Variants in HACD2 observed in about 807,000 individuals in gnomAD.
The protein encoded by HACD2 is 3-hydroxyacyl-CoA dehydratase 2, also known as very-long-chain (3R)-3-hydroxyacyl-CoA dehydratase 2.
Under a neutral mutation model 31.0 loss-of-function variants are expected in HACD2, and 15 were observed. The observed-to-expected ratio is 0.48, with a 90% CI of 0.32 to 0.75. HACD2 has a LOEUF of 0.75. Ranked by LOEUF, HACD2 falls within the 30% of genes least tolerant of loss-of-function variation. HACD2 has a pLI of 0.03. For missense variants in HACD2, 283 were observed against 313.0 expected (o/e 0.90, Z 0.72); for synonymous variants, 115 against 122.2 (o/e 0.94, Z 0.39).
At chr3:123,496,269 C>T (rs1323887288) in intron 6 of HACD2, among the ~76,000 whole-genome samples, 2 of 152,150 alleles carry the variant, frequency 1.3e-5, no homozygotes, top group Non-Finnish European at 1.5e-5. Context: ...GGGGTGTGCC[C>T]GCCTCAGCCT....
intron 3 of HACD2, among the ~76,000 whole-genome samples, chr3:123,566,932 C>T (rs549539766): frequency 2.6e-5 from 4 of 152,264 alleles, no homozygotes; most frequent in South Asian, 2.1e-4. Context: ...TCTACCTGTG[C>T]GCCCATCTGA....
intron 4 of HACD2, among the ~76,000 whole-genome samples, chr3:123,518,428 T>A (rs1024605056): frequency 6.6e-6 from 1 of 152,224 alleles, no homozygotes. Context: ...GGGACAGACC[T>A]CTGCCGCCAG....
At chr3:123,511,263 T>C (rs2056059821) in intron 4 of HACD2, among the ~76,000 whole-genome samples, 1 of 152,182 alleles carries the variant, frequency 6.6e-6, no homozygotes, top group South Asian at 2.1e-4. Context: ...ACAAGTAAAG[T>C]GAGGTTTACA....
At chr3:123,552,867 G>C (rs921537324) in intron 3 of HACD2, among the ~76,000 whole-genome samples, 1 of 152,012 alleles carries the variant, frequency 6.6e-6, no homozygotes, top group African/African-American at 2.4e-5. Context: ...AAATAAAAAT[G>C]TAATAAAGAA....
intron 3 of HACD2, among the ~76,000 whole-genome samples, chr3:123,533,370 A>T (rs2056388658): frequency 6.6e-6 from 1 of 152,230 alleles, no homozygotes; most frequent in Non-Finnish European, 1.5e-5. Context: ...GCTGGTCTCG[A>T]ACTCCTAAGC....
intron 5 of HACD2, among the ~76,000 whole-genome samples, chr3:123,500,937 T>G (rs2055894944): frequency 6.6e-6 from 1 of 152,222 alleles, no homozygotes; most frequent in South Asian, 2.1e-4. Flanking sequence ...AAATTTGGTC[T>G]GACAAAATAA....
At chr3:123,547,580 C>T (rs1037745857) in intron 3 of HACD2, among the ~76,000 whole-genome samples, 1 of 152,114 alleles carries the variant, frequency 6.6e-6, no homozygotes, top group African/African-American at 2.4e-5. Context: ...CAACAAGAAG[C>T]TAAGAGCCCT....
intron 6 of HACD2, among the ~76,000 whole-genome samples, chr3:123,496,607 A>G (rs2055836106): frequency 6.6e-6 from 1 of 152,246 alleles, no homozygotes; most frequent in Admixed American, 6.5e-5. Flanking sequence ...TTCGACAGGC[A>G]GAGAACTATT....
intron 3 of HACD2, among the ~76,000 whole-genome samples, chr3:123,530,691 G>A (rs2056349007): frequency 6.7e-6 from 1 of 150,272 alleles, no homozygotes; most frequent in South Asian, 2.1e-4. Flanking sequence ...ACAGGCGTGA[G>A]CCACTGCGCC....
intron 2 of HACD2, among the ~76,000 whole-genome samples, chr3:123,570,282 ATAAAG>A (rs2056840007): frequency 6.6e-6 from 1 of 152,208 alleles, no homozygotes; most frequent in Non-Finnish European, 1.5e-5. Flanking sequence ...CAAAGAAGAA[ATAAAG>A]TAATTTATTT....
intron 2 of HACD2, among the ~76,000 whole-genome samples, chr3:123,573,692 C>T (rs551711970): frequency 6.6e-6 from 1 of 152,204 alleles, no homozygotes; most frequent in East Asian, 1.9e-4. Flanking sequence ...AGTTACTGCT[C>T]AATGTTCAGA....
intron 3 of HACD2, among the ~76,000 whole-genome samples, chr3:123,535,636 A>G (rs1028686765): frequency 1.1e-4 from 16 of 152,242 alleles, no homozygotes; most frequent in African/African-American, 3.6e-4. Flanking sequence ...ATTTCTGGAT[A>G]GAGTGTGACA....
intron 4 of HACD2, among the ~76,000 whole-genome samples, chr3:123,510,612 T>A (rs1472038085): frequency 6.6e-6 from 1 of 152,224 alleles, no homozygotes; most frequent in East Asian, 1.9e-4. Context: ...ATTTCCTTCC[T>A]TTTTGTGTCT....
At chr3:123,566,765 C>T (rs927312036) in intron 3 of HACD2, among the ~76,000 whole-genome samples, 98 of 152,002 alleles carry the variant, frequency 6.4e-4, no homozygotes, top group African/African-American at 1.7e-3. Flanking sequence ...GGCATGGTGG[C>T]GCACGCCTGT....
chr3:123,561,625 T>C (rs567477275), intron 3 of HACD2, among the ~76,000 whole-genome samples: 1 of 151,896 alleles, frequency 6.6e-6, no homozygotes, highest in Non-Finnish European at 1.5e-5. Flanking sequence ...GGGAACCATA[T>C]TGCAGAGTCA....
chr3:123,577,438 G>A lies in HACD2; in HGVS notation c.273+4774C>T, dbSNP rs561602134. On this transcript the variant is annotated intron_variant, in intron 2 of 6. Transcript: ENST00000383657. ...AGATCGAGACCATCCTGGCTAACAT[G>A]GTGAAACCCCGTCTCTACTAAAAAT... Among the ~76,000 whole-genome samples, 242 of 152,026 alleles carry A rather than the reference G, an allele frequency of 1.6e-3. 2 individuals are homozygous for A. The highest frequency in any genetic ancestry group is 5.7e-3 in the African/African-American group (236 of 41,462).
chr3:123,553,338 G>T (rs1310810776), intron 3 of HACD2, among the ~76,000 whole-genome samples: 1 of 152,238 alleles, frequency 6.6e-6, no homozygotes, highest in Non-Finnish European at 1.5e-5. Context: ...GCATTTTCAA[G>T]AAATTTAAGG....
intron 3 of HACD2, among the ~76,000 whole-genome samples, chr3:123,559,696 G>A (rs535220817): frequency 7.2e-5 from 11 of 152,310 alleles, no homozygotes; most frequent in Admixed American, 1.3e-4. Flanking sequence ...CATAGAGAAG[G>A]CACCTTAAGG....
At chr3:123,583,258 A>C (rs889369648) in intron 1 of HACD2, among the ~76,000 whole-genome samples, 6 of 152,148 alleles carry the variant, frequency 3.9e-5, no homozygotes, top group Non-Finnish European at 8.8e-5. Context: ...GGTTTAAGAT[A>C]CCACTCCTTA....
Sources: gnomAD v4.1 joint callset for allele counts (sites outside exome capture counted in the v4.1 genomes callset) on GRCh38, gnomAD v4.1.1 for gene constraint, MANE v1.5 for transcripts, NCBI Gene and HGNC (gene_info 2026-07-23, HGNC 2026-07-21) for gene names.